EPS15L1: variants seen among roughly 807,000 people sequenced by gnomAD.
EPS15L1 encodes the protein epidermal growth factor receptor pathway substrate 15 like 1, also known as epidermal growth factor receptor substrate 15-like 1.
Under a neutral mutation model 117.1 loss-of-function variants are expected in EPS15L1, and 43 were observed. The ratio of observed to expected loss-of-function variants is 0.37; its 90% CI spans 0.29 to 0.47. The LOEUF (loss-of-function observed/expected upper bound fraction) is 0.47. Ranked by LOEUF, EPS15L1 falls within the 20% of genes least tolerant of loss-of-function variation. The pLI, the probability that EPS15L1 is intolerant of heterozygous loss-of-function variation, is 0.99. For missense variants in EPS15L1, 981 were observed against 1,164.0 expected, an observed-to-expected ratio of 0.84 and a Z score of 2.29; for synonymous variants, 459 against 470.5, an observed-to-expected ratio of 0.98 and a Z score of 0.32.
At chr19:16,394,205 T>C (rs1043201735) in intron 17 of EPS15L1, among the ~76,000 whole-genome samples, 3 of 152,138 alleles carry the variant, frequency 2.0e-5, no homozygotes, top group Non-Finnish European at 4.4e-5. Context: ...AGGCAGCTGT[T>C]TCTGGCTAGG....
chr19:16,449,452 T>C (rs1186484198), intron 1 of EPS15L1, among the ~76,000 whole-genome samples: 1 of 151,388 alleles, frequency 6.6e-6, no homozygotes, highest in African/African-American at 2.4e-5. Context: ...GCTATCAGAG[T>C]GGCTAAAATA....
intron 22 of EPS15L1, among the ~76,000 whole-genome samples, chr19:16,376,739 G>C (rs1403721684): frequency 2.0e-5 from 3 of 152,270 alleles, no homozygotes; most frequent in African/African-American, 7.2e-5. Context: ...GAAGGGGCCA[G>C]AGTGGCCACA....
rs751536858 is a variant in EPS15L1 at position 16,404,767 on chromosome 19, G to A, written c.1267-18C>T. 16 of 1,612,390 alleles carry A rather than the reference G, an allele frequency of 9.9e-6. No homozygotes were observed. The South Asian group carries it at 1.8e-4, about 18-fold the overall frequency. ...TGTAATTCCTAGGGAGGAGTTGCAG[G>A]GGTTTACGTGAGGATGGGAAAAATG... On this transcript the variant is annotated intron_variant, in intron 13 of 23. Transcript: ENST00000455140. The surrounding 1 kb of genome is among the most constrained non-coding windows in gnomAD (Gnocchi z 4.2).
At chr19:16,356,435 C>A in intron 23 of EPS15L1, 1 of 153,630 alleles carries the variant, frequency 6.5e-6, no homozygotes, top group Non-Finnish European at 1.5e-5. Flanking sequence ...CCTCAGCCCC[C>A]TGAGTAGCTG....
At chr19:16,358,557 C>T (rs967705672) in intron 23 of EPS15L1, among the ~76,000 whole-genome samples, 1 of 152,194 alleles carries the variant, frequency 6.6e-6, no homozygotes, top group African/African-American at 2.4e-5. Context: ...CATGACACCA[C>T]CCTAGCCGAG....
chr19:16,448,915 A>G (rs2093113316), intron 1 of EPS15L1, among the ~76,000 whole-genome samples: 2 of 152,176 alleles, frequency 1.3e-5, no homozygotes, highest in South Asian at 4.1e-4. Context: ...ACAAATGACT[A>G]CTATCTAAAA....
chr19:16,434,508 G>T lies in EPS15L1; in HGVS notation c.373-18C>A. The T allele has an allele frequency of 6.2e-7, 1 of 1,610,416 alleles. No individual in the cohort carries two copies. The highest frequency in any genetic ancestry group is 8.5e-7 in the Non-Finnish European group (1 of 1,178,072). On this transcript the variant is annotated intron_variant, in intron 6 of 23. Coordinates refer to ENST00000455140, the MANE Select transcript of EPS15L1 (RefSeq NM_001258374.3). ...TCTTCCACCTAGTTGGAAAGAAATAGCCCGAGTAAGTAGGAGAGCACACCT... is the reference window on the plus strand; with the variant it reads ...TCTTCCACCTAGTTGGAAAGAAATATCCCGAGTAAGTAGGAGAGCACACCT...
At chr19:16,455,312 TG>T (rs34773317) in intron 1 of EPS15L1, among the ~76,000 whole-genome samples, 55,889 of 151,474 alleles carry the variant, frequency 0.37, 11,050 homozygotes, top group African/African-American at 0.52. Context: ...TTGTAAAGAT[TG>T]GGGGGGTCTC....
Position 16,395,457 on chromosome 19 carries a change from A to G in EPS15L1, c.1802T>C (p.Phe601Ser). 1 of 1,613,730 alleles carries G rather than the reference A, an allele frequency of 6.2e-7. No individual in the cohort carries two copies. Among genetic ancestry groups the G allele is most frequent in the Non-Finnish European group, 8.5e-7 (1 of 1,179,704 alleles). ...RGSFGAMDDPFKNKALLFSNN... is the reference protein window; with the variant it reads ...RGSFGAMDDPSKNKALLFSNN... Reference sequence around the variant, plus strand: ...GCTAAATAACAAGGCTTTATTTTTGAAAGGATCATCCTACAATTTTGTGAA... The same window carrying G: ...GCTAAATAACAAGGCTTTATTTTTGGAAGGATCATCCTACAATTTTGTGAA... The change falls in exon 17 of 24, where the codon TTC (phenylalanine) becomes TCC (serine). Residue 601 changes from phenylalanine to serine, a missense_variant. Physicochemically the swap from Phe to Ser is radical, Grantham distance 155. Coordinates refer to ENST00000455140, the MANE Select transcript of EPS15L1 (RefSeq NM_001258374.3).
chr19:16,456,527 G>T (rs1051400013), intron 1 of EPS15L1, among the ~76,000 whole-genome samples: 1 of 151,662 alleles, frequency 6.6e-6, no homozygotes, highest in African/African-American at 2.4e-5. Context: ...CGTGGTGGCG[G>T]GTACCTGTAA....
At position 16,441,269 on chromosome 19, in the gene EPS15L1, G is replaced by A. The variant is rs569069482; in HGVS notation, c.166-360C>T. The stretch of plus-strand genomic sequence containing the variant: ...GCGATTCACCTGAGGTCAGGAGTGC[G>A]AGACCAGTCTGGCTAACACAGTGAA... On this transcript the variant is annotated intron_variant, in intron 3 of 23. Coordinates refer to ENST00000455140, the MANE Select transcript of EPS15L1 (RefSeq NM_001258374.3). The A allele has an allele frequency of 3.9e-4, 117 of 298,750 alleles. No individual in the cohort carries two copies. In the Middle Eastern group the frequency reaches 5.2e-3, roughly 13 times the overall value. 18.5% of individuals were successfully genotyped at this position (298,750 alleles called of 1,614,324 possible).
chr19:16,424,155 G>T (rs1231200016), intron 9 of EPS15L1, among the ~76,000 whole-genome samples: 1 of 152,232 alleles, frequency 6.6e-6, no homozygotes, highest in Non-Finnish European at 1.5e-5. Flanking sequence ...CTCAAACCTG[G>T]CATGAGGGCA....
chr19:16,402,156 G>T, intron 16 of EPS15L1, 165 bp downstream of exon 16: 1 of 1,395,752 alleles, frequency 7.2e-7, no homozygotes, highest in East Asian at 2.7e-5. Flanking sequence ...GTGCCAGGCT[G>T]CAAGGCCTGG....
chr19:16,370,520 C>G lies in EPS15L1; in HGVS notation c.2380+6602G>C, dbSNP rs1429778236. Among the ~76,000 whole-genome samples, 1 of 152,098 alleles carries G rather than the reference C, an allele frequency of 6.6e-6. No homozygotes were observed. The highest frequency in any genetic ancestry group is 1.5e-5 in the Non-Finnish European group (1 of 67,990). Reference sequence around the variant, plus strand: ...TGGGAGCCCAGCCACTCTAGGCCTGCACCCCACCCTGCAGCCCCCCAGGCC... The same window carrying G: ...TGGGAGCCCAGCCACTCTAGGCCTGGACCCCACCCTGCAGCCCCCCAGGCC... On this transcript the variant is annotated intron_variant, in intron 22 of 23. Transcript: ENST00000455140. The surrounding 1 kb of genome is among the most constrained non-coding windows in gnomAD (Gnocchi z 5.2).
chr19:16,463,307 T>C (rs571463400), intron 1 of EPS15L1, among the ~76,000 whole-genome samples: 173 of 152,252 alleles, frequency 1.1e-3, no homozygotes, highest in Non-Finnish European at 2.0e-3. Context: ...TTGCAGACAC[T>C]ATGCCTGCTT....
At chr19:16,443,060 T>C (rs2093048207) in intron 1 of EPS15L1, among the ~76,000 whole-genome samples, 1 of 152,204 alleles carries the variant, frequency 6.6e-6, no homozygotes, top group African/African-American at 2.4e-5. Context: ...CCTGAAATGC[T>C]GGCTGTAAAA....
At chr19:16,469,670 A>G (rs920122983) in intron 1 of EPS15L1, among the ~76,000 whole-genome samples, 3 of 152,176 alleles carry the variant, frequency 2.0e-5, no homozygotes, top group Non-Finnish European at 4.4e-5. Flanking sequence ...GCTGATGGGA[A>G]AAGTGCAGAC....
intron 10 of EPS15L1, 149 bp from the exon 11 acceptor site, chr19:16,418,253 T>A (rs760275569): frequency 1.7e-5 from 14 of 848,204 alleles, no homozygotes; most frequent in Admixed American, 2.9e-5. Flanking sequence ...CTACTTCACA[T>A]CTCCTTCCCA....
In EPS15L1 at chr19:16,392,706, G is replaced by T. The variant is rs1197743015; in HGVS notation, c.1967-266C>A. Among the ~76,000 whole-genome samples the T allele has an allele frequency of 3.9e-5, 6 of 152,178 alleles. No individual in the cohort carries two copies. The East Asian group carries it at 1.2e-3, about 29-fold the overall frequency. On this transcript the variant is annotated intron_variant, in intron 18 of 23. Transcript: ENST00000455140. The stretch of plus-strand genomic sequence containing the variant: ...AACTCATCTTATTACATAGTAAAAT[G>T]GGTGAATTTTGTTCTGTGTAAATTA...
Sources: gnomAD v4.1 joint callset for allele counts (sites outside exome capture counted in the v4.1 genomes callset) on GRCh38, gnomAD v4.1.1 for gene constraint, Gnocchi (gnomAD v3.1) non-coding constraint, MANE v1.5 for transcripts, NCBI Gene and HGNC (gene_info 2026-07-23, HGNC 2026-07-21) for gene names.